DCHS2: variants seen among roughly 807,000 people sequenced by gnomAD.
The protein encoded by DCHS2 is protocadherin-23.
In DCHS2, 142 loss-of-function variants were observed where a neutral mutation model predicts 182.4. The ratio of observed to expected loss-of-function variants is 0.78; its 90% CI spans 0.68 to 0.89. DCHS2 has a LOEUF of 0.89. Among genes scored for constraint, DCHS2 ranks in the 40% least tolerant of loss-of-function variants. DCHS2 has a pLI of 0.00. For synonymous variants in DCHS2, 1,740 were observed against 1,663.3 expected (o/e 1.05, Z -1.12); for missense variants, 4,319 against 4,198.6 (o/e 1.03, Z -0.79).
chr4:154,421,521 A>G (rs1022368331), intron 1 of DCHS2, among the ~76,000 whole-genome samples: 1 of 152,054 alleles, frequency 6.6e-6, no homozygotes, highest in Admixed American at 6.6e-5. Flanking sequence ...CAGCCTCCTG[A>G]GTAGCTGGGA....
At chr4:154,302,431 C>T (rs2111293017) in intron 12 of DCHS2, among the ~76,000 whole-genome samples, 1 of 152,288 alleles carries the variant, frequency 6.6e-6, no homozygotes, top group East Asian at 1.9e-4. Flanking sequence ...CACCTCACTC[C>T]CTTCTTTGCC....
rs775544749 is a variant in DCHS2, at chr4:154,333,108, C to T, written c.3100G>A (p.Val1034Met). ...CCCAGGCTGCCGTTGAGGAACAGCA[C>T]CCCCAGGGCTCTGTCGATGGCAAAG... ...GVFAIDRALG[V>M]LFLNGSLGAG... Residue 1034 changes from valine to methionine, a missense_variant, in exon 5 of 20, where the codon GTG becomes ATG. By Grantham distance (21) the Val-to-Met change is conservative. Coordinates refer to ENST00000357232, the MANE Select transcript of DCHS2 (RefSeq NM_001358235.2). 1.2e-6 allele frequency: 2 copies of T among 1,614,010 alleles called. No homozygotes were observed. Among genetic ancestry groups the T allele is most frequent in the South Asian group, 1.1e-5 (1 of 91,076 alleles).
intron 10 of DCHS2, among the ~76,000 whole-genome samples, chr4:154,312,979 T>C (rs1438124206): frequency 2.0e-5 from 3 of 152,074 alleles, no homozygotes; most frequent in Non-Finnish European, 4.4e-5. Context: ...GGCGGTGCAG[T>C]TGTACACCTA....
intron 1 of DCHS2, among the ~76,000 whole-genome samples, chr4:154,383,031 G>T (rs1196282265): frequency 6.6e-6 from 1 of 152,162 alleles, no homozygotes. Flanking sequence ...AAAGACACAT[G>T]CACTTGCATA....
chr4:154,459,434 T>C (rs73854782), intron 1 of DCHS2, among the ~76,000 whole-genome samples: 1 of 151,146 alleles, frequency 6.6e-6, no homozygotes, highest in Admixed American at 6.6e-5. Flanking sequence ...AATCCAAAAA[T>C]CAAAGTTTTT....
At chr4:154,373,933 A>G in intron 2 of DCHS2, 1 of 1,606,170 alleles carries the variant, frequency 6.2e-7, no homozygotes, top group South Asian at 1.1e-5. Flanking sequence ...CACCAGGGCT[A>G]AATGTGTCAT....
intron 5 of DCHS2, among the ~76,000 whole-genome samples, 164 bp from the exon 6 acceptor site, chr4:154,329,874 TC>T (rs992762147): frequency 2.7e-4 from 41 of 152,368 alleles, no homozygotes; most frequent in African/African-American, 7.7e-4. Flanking sequence ...GAAAAAATTT[TC>T]TCAAGTTGCT....
rs777112566 is a variant in DCHS2 at position 154,298,370 on chromosome 4, T to C, written c.5944A>G (p.Ile1982Val). The change falls in exon 13 of 20, where the codon ATT becomes GTT. Residue 1982 changes from isoleucine to valine, a missense_variant. By Grantham distance (29) the Ile-to-Val change is conservative. Coordinates refer to ENST00000357232, the MANE Select transcript of DCHS2 (RefSeq NM_001358235.2). ...TTCAATGTGCCTGACATAGGATCAA[T>C]GGTGAATGCACCAGAAGCCTCATCA... ...LTDEASGAFT[I>V]DPMSGTLKTS... is the part of the protein sequence containing the mutation. 4.3e-6 allele frequency: 7 copies of C among 1,614,196 alleles called. No homozygotes were observed. The Admixed American group carries it at 1.2e-4, about 27-fold the overall frequency.
intron 13 of DCHS2, among the ~76,000 whole-genome samples, chr4:154,288,489 T>C (rs1197438055): frequency 2.0e-5 from 3 of 152,128 alleles, no homozygotes; most frequent in African/African-American, 7.2e-5. Flanking sequence ...ACACTCCACA[T>C]TCAGCATTGG....
chr4:154,390,203 G>A (rs976098586), intron 1 of DCHS2, among the ~76,000 whole-genome samples: 1 of 149,920 alleles, frequency 6.7e-6, no homozygotes, highest in Admixed American at 6.6e-5. Context: ...CCACGCTGGT[G>A]CGCTGCACCC....
intron 10 of DCHS2, among the ~76,000 whole-genome samples, chr4:154,315,324 C>T (rs543600349): frequency 1.4e-4 from 22 of 152,220 alleles, no homozygotes; most frequent in African/African-American, 4.8e-4. Context: ...GTTTTGGATT[C>T]AAATCTAGGC....
chr4:154,468,136 T>C (rs1398038202), intron 1 of DCHS2, among the ~76,000 whole-genome samples: 1 of 152,124 alleles, frequency 6.6e-6, no homozygotes, highest in African/African-American at 2.4e-5. Context: ...TATGGGCAGT[T>C]CTCCAGCCGG....
intron 12 of DCHS2, among the ~76,000 whole-genome samples, chr4:154,300,393 G>A (rs1735147819): frequency 6.6e-6 from 1 of 150,410 alleles, no homozygotes; most frequent in Non-Finnish European, 1.5e-5. Flanking sequence ...GTCAAAGTTT[G>A]TTTAGAAAAT....
chr4:154,324,091 G>T (rs968605866), intron 7 of DCHS2, among the ~76,000 whole-genome samples: 5 of 152,206 alleles, frequency 3.3e-5, no homozygotes, highest in African/African-American at 9.7e-5. Context: ...TAATGGGTTG[G>T]TTCACTAACA....
At chr4:154,302,255 A>T (rs1368220663) in intron 12 of DCHS2, among the ~76,000 whole-genome samples, 1 of 152,248 alleles carries the variant, frequency 6.6e-6, no homozygotes, top group Non-Finnish European at 1.5e-5. Flanking sequence ...TATTAACTTA[A>T]AAAAATCATA....
At chr4:154,447,009 G>A (rs945113393) in intron 1 of DCHS2, among the ~76,000 whole-genome samples, 1 of 151,928 alleles carries the variant, frequency 6.6e-6, no homozygotes, top group Non-Finnish European at 1.5e-5. Flanking sequence ...AGGGAAATCT[G>A]GGCCATGCAC....
intron 1 of DCHS2, among the ~76,000 whole-genome samples, chr4:154,464,269 T>G (rs1735146064): frequency 6.6e-6 from 1 of 152,098 alleles, no homozygotes; most frequent in African/African-American, 2.4e-5. Flanking sequence ...GGAAAAAAAC[T>G]TTTCCCTCAT....
intron 1 of DCHS2, among the ~76,000 whole-genome samples, chr4:154,438,620 G>A (rs1018734403): frequency 4.6e-5 from 7 of 152,050 alleles, no homozygotes; most frequent in South Asian, 2.1e-4. Flanking sequence ...TTCAATTCAC[G>A]AACATGTTAC....
At chr4:154,323,165 G>A (rs947042066) in intron 7 of DCHS2, 16 of 1,534,660 alleles carry the variant, frequency 1.0e-5, no homozygotes, top group East Asian at 2.5e-5. Flanking sequence ...CATCTCCAAC[G>A]TGTAGCATAA....
Sources: gnomAD v4.1 joint callset for allele counts (sites outside exome capture counted in the v4.1 genomes callset) on GRCh38, gnomAD v4.1.1 for gene constraint, MANE v1.5 for transcripts, NCBI Gene and HGNC (gene_info 2026-07-23, HGNC 2026-07-21) for gene names.